The following TBX20 variants were observed in gnomAD, a reference collection of about 807,000 sequenced individuals.
TBX20 encodes T-box transcription factor TBX20.
In TBX20, 8 loss-of-function variants were observed where a neutral mutation model predicts 42.9. The ratio of observed to expected loss-of-function variants is 0.19; its 90% confidence interval spans 0.11 to 0.34. The LOEUF is 0.34. Ranked by LOEUF, TBX20 falls within the 10% of genes least tolerant of loss-of-function variation. TBX20 has a pLI of 1.00. For missense variants in TBX20, 411 were observed against 566.0 expected (o/e 0.73, Z 2.78); for synonymous variants, 198 against 222.8 (o/e 0.89, Z 0.99).
intron 1 of TBX20, among the ~76,000 whole-genome samples, chr7:35,251,375 G>A (rs543969132): frequency 5.4e-4 from 82 of 152,280 alleles, no homozygotes; most frequent in South Asian, 1.7e-3. Context: ...AGGAAACAGA[G>A]TGGTTTTACT....
intron 4 of TBX20, among the ~76,000 whole-genome samples, chr7:35,244,549 G>T (rs1346021): frequency 6.6e-6 from 1 of 151,974 alleles, no homozygotes; most frequent in Non-Finnish European, 1.5e-5. Flanking sequence ...CCCCATCAGA[G>T]GTCCTAGCCC....
intron 6 of TBX20, among the ~76,000 whole-genome samples, chr7:35,222,820 C>A (rs1341712114): frequency 6.6e-6 from 1 of 151,652 alleles, no homozygotes; most frequent in Non-Finnish European, 1.5e-5. Context: ...ACCTTTGAGG[C>A]CTTGTCTGGA....
At position 35,202,574 on chromosome 7, in the gene TBX20, C is replaced by T. The variant is rs541075247; in HGVS notation, c.1200G>A (p.Ser400=). ...YSRLGMPLTP[S]AIASSMQGSG... ...TCCCTTGCATGGAGCTGGCAATGGC[C>T]GATGGTGTCAGAGGCATTCCCAGTC... is the stretch of plus-strand genomic sequence containing the variant. Residue 400 remains serine (S), a synonymous_variant, in exon 8 of 8, where the codon TCG becomes TCA. Coordinates refer to ENST00000408931, the MANE Select transcript of TBX20 (RefSeq NM_001077653.2). 4.6e-5 allele frequency: 74 copies of T among 1,614,030 alleles called. No individual in the cohort carries two copies. In the Admixed American group the frequency reaches 7.0e-4, roughly 15 times the overall value.
Position 35,240,894 on chromosome 7 carries a change from G to A in TBX20, c.798C>T (p.Ala266=). ...FPETVFTAVT[A]YQNQLITKLK... is the part of the protein sequence containing the mutation. The stretch of plus-strand genomic sequence containing the variant: ...GTACACTCACCAGTTGATTCTGGTA[G>A]GCAGTGACTGCCGTAAAAACTGTTT... Residue 266 remains alanine (A), a synonymous_variant, in exon 5 of 8, where the codon GCC becomes GCT. Transcript: ENST00000408931. The A allele has an allele frequency of 1.2e-6, 2 of 1,613,862 alleles. No homozygotes were observed. The highest frequency in any genetic ancestry group is 1.7e-6 in the Non-Finnish European group (2 of 1,179,794).
intron 6 of TBX20, among the ~76,000 whole-genome samples, chr7:35,219,038 T>G (rs1789636524): frequency 1.3e-5 from 2 of 152,222 alleles, no homozygotes; most frequent in Non-Finnish European, 2.9e-5. Flanking sequence ...TAAGCTACCT[T>G]GTTTATGGTC....
rs1457894105 is a variant in TBX20, at chr7:35,249,431, G to A, written c.380+520C>T. ...AAAGCCCGCCCGGCTCTGGCGCCAA[G>A]AGGCCCCGAGCAGTGCTCCTTCCTA... is the stretch of plus-strand genomic sequence containing the variant. On this transcript the variant is annotated intron_variant, in intron 2 of 7. Transcript: ENST00000408931. The surrounding 1 kb of genome is among the most constrained non-coding windows in gnomAD (Gnocchi z 4.3). Among the ~76,000 whole-genome samples the A allele has an allele frequency of 6.6e-6, 1 of 152,244 alleles. No individual in the cohort carries two copies. The highest frequency in any genetic ancestry group is 1.5e-5 in the Non-Finnish European group (1 of 68,044).
rs77585139 is a variant in TBX20 at position 35,248,375 on chromosome 7, T to G, written c.545+302A>C. ...ATTAGAGAGGATGTCTATATTTATATTTATACAAAATGGGTCCACATTTCT... is the reference window on the plus strand; with the variant it reads ...ATTAGAGAGGATGTCTATATTTATAGTTATACAAAATGGGTCCACATTTCT... On this transcript the variant is annotated intron_variant, in intron 3 of 7. Coordinates refer to ENST00000408931, the MANE Select transcript of TBX20 (RefSeq NM_001077653.2). Among the ~76,000 whole-genome samples, 1,703 of 152,320 alleles carry G rather than the reference T, an allele frequency of 0.011. 31 individuals are homozygous for G. The highest frequency in any genetic ancestry group is 0.039 in the African/African-American group (1,609 of 41,550).
intron 5 of TBX20, among the ~76,000 whole-genome samples, chr7:35,234,146 C>T (rs768223626): frequency 6.6e-6 from 1 of 152,100 alleles, no homozygotes; most frequent in Non-Finnish European, 1.5e-5. Flanking sequence ...TTTGAAAGAA[C>T]TTTTTACAGC....
At chr7:35,225,085 CAA>C (rs1176313905) in intron 6 of TBX20, among the ~76,000 whole-genome samples, 1 of 152,044 alleles carries the variant, frequency 6.6e-6, no homozygotes, top group African/African-American at 2.4e-5. Context: ...CTAGAAAACA[CAA>C]GAGACTAAAA....
rs557550186 is a variant in TBX20 at position 35,223,345 on chromosome 7, T to A, written c.890+8159A>T. Among the ~76,000 whole-genome samples the A allele has an allele frequency of 3.3e-5, 5 of 152,272 alleles. No homozygotes were observed. In the South Asian group the frequency reaches 8.3e-4, roughly 25 times the overall value. ...AGCAATAGCCAGTCAGATATTTGAA[T>A]CTGGAGAGGCCAGAACCAGAAATGT... On this transcript the variant is annotated intron_variant, in intron 6 of 7. Transcript: ENST00000408931.
At chr7:35,246,220 A>C (rs936687790) in intron 3 of TBX20, among the ~76,000 whole-genome samples, 14 of 152,202 alleles carry the variant, frequency 9.2e-5, no homozygotes, top group African/African-American at 3.4e-4. Context: ...TGACAGCACC[A>C]AAGACTCTTA....
intron 5 of TBX20, among the ~76,000 whole-genome samples, chr7:35,233,593 G>T (rs1225533726): frequency 1.3e-5 from 2 of 152,142 alleles, no homozygotes; most frequent in Admixed American, 1.3e-4. Flanking sequence ...ACTAGGACTT[G>T]TTTTTGAAAG....
At chr7:35,216,922 CCTT>C (rs1286393256) in intron 6 of TBX20, among the ~76,000 whole-genome samples, 2 of 151,986 alleles carry the variant, frequency 1.3e-5, no homozygotes, top group Admixed American at 6.6e-5. Flanking sequence ...GTAAATAACT[CCTT>C]GTCACAATAT....
Position 35,253,657 on chromosome 7 carries a change from G to C in TBX20, c.-37C>G. The C allele has an allele frequency of 6.2e-7, 1 of 1,601,620 alleles. No homozygotes were observed. The highest frequency in any genetic ancestry group is 8.5e-7 in the Non-Finnish European group (1 of 1,175,208). ...CGCGGTCCTGGCCAGGGACGGGGTC[G>C]TCCGAACTGCCGTCCAGATTCCCCA... On this transcript the variant is annotated 5_prime_UTR_variant, in exon 1 of 8. Transcript: ENST00000408931.
intron 6 of TBX20, among the ~76,000 whole-genome samples, chr7:35,210,271 C>T (rs1405055569): frequency 4.6e-5 from 7 of 151,788 alleles, no homozygotes; most frequent in South Asian, 2.1e-4. Context: ...CCCACCACCA[C>T]GCCTGGCTAA....
At chr7:35,220,426 G>A (rs1789661080) in intron 6 of TBX20, among the ~76,000 whole-genome samples, 1 of 152,206 alleles carries the variant, frequency 6.6e-6, no homozygotes, top group Non-Finnish European at 1.5e-5. Context: ...CTAGGTGAGG[G>A]AACCAGCACT....
intron 6 of TBX20, among the ~76,000 whole-genome samples, chr7:35,230,050 A>G (rs1024389891): frequency 5.3e-5 from 8 of 152,036 alleles, no homozygotes; most frequent in Admixed American, 4.6e-4. Flanking sequence ...TACGACACAC[A>G]CTATAAAAAC....
intron 6 of TBX20, among the ~76,000 whole-genome samples, chr7:35,219,935 A>C (rs1342779985): frequency 2.6e-5 from 4 of 152,196 alleles, no homozygotes; most frequent in Admixed American, 6.5e-5. Context: ...TATTCAGTGC[A>C]AGTGGTTTTA....
At chr7:35,241,079 T>A in intron 4 of TBX20, 42 bp from the exon 5 acceptor site, 1 of 1,596,642 alleles carries the variant, frequency 6.3e-7, no homozygotes. Context: ...TACATACTTA[T>A]ACTGCTAAAC....
Sources: allele counts gnomAD v4.1 joint callset (sites outside exome capture counted in the v4.1 genomes callset), GRCh38; gene constraint gnomAD v4.1.1; non-coding constraint Gnocchi (gnomAD v3.1); transcripts MANE v1.5; gene names NCBI Gene and HGNC (gene_info 2026-07-23, HGNC 2026-07-21).